The following COL4A3 variants were observed in gnomAD, a reference collection of about 807,000 sequenced individuals.
COL4A3 encodes the protein collagen type IV alpha 3 chain.
COL4A3 carries 135 observed loss-of-function variants against 217.4 expected under a neutral mutation model. That is an observed-to-expected ratio of 0.62 (90% CI 0.54 to 0.72). The LOEUF (loss-of-function observed/expected upper bound fraction) is 0.72, where lower values mean the gene tolerates loss of function less well. Among genes scored for constraint, COL4A3 ranks in the 30% least tolerant of loss-of-function variants. COL4A3 has a pLI of 0.00. For missense variants in COL4A3, 1,868 were observed against 2,119.9 expected (o/e 0.88, Z 2.33); for synonymous variants, 690 against 736.3 (o/e 0.94, Z 1.02).
intron 36 of COL4A3, among the ~76,000 whole-genome samples, chr2:227,290,446 G>A (rs1204263497): frequency 6.6e-6 from 1 of 152,134 alleles, no homozygotes; most frequent in Non-Finnish European, 1.5e-5. Flanking sequence ...GTTGCAGTGA[G>A]CTGAGGTCAC....
Position 227,266,980 on chromosome 2 carries a change from G to A in COL4A3, c.1409-13G>A. On this transcript the variant is annotated splice_polypyrimidine_tract_variant and intron_variant, in intron 22 of 51. Coordinates refer to ENST00000396578, the MANE Select transcript of COL4A3 (RefSeq NM_000091.5). ...GTAGCTTTTTAAGTAATGCTAGTAT[G>A]CTCTCATTGCAGGAGAACCAGGCCT... The A allele has an allele frequency of 6.3e-7, 1 of 1,580,850 alleles. No homozygotes were observed.
At chr2:227,203,186 TGTATATATAC>T (rs1478755217) in intron 1 of COL4A3, among the ~76,000 whole-genome samples, 2 of 27,334 alleles carry the variant, frequency 7.3e-5, no homozygotes, top group Non-Finnish European at 1.2e-4. Flanking sequence ...TGTATATGTG[TGTATATATAC>T]ATATATGTGT....
At chr2:227,298,877 T>G in intron 43 of COL4A3, 65 bp downstream of exon 43, 2 of 1,389,478 alleles carry the variant, frequency 1.4e-6, no homozygotes, top group Non-Finnish European at 2.0e-6. Flanking sequence ...ATTCTTATAT[T>G]GTATATTATA....
At chr2:227,248,112 G>GTAT (rs1407041269) in intron 8 of COL4A3, among the ~76,000 whole-genome samples, 1 of 152,052 alleles carries the variant, frequency 6.6e-6, no homozygotes, top group Non-Finnish European at 1.5e-5. Context: ...GCTAATTCTT[G>GTAT]TATTTTTAGT....
intron 1 of COL4A3, among the ~76,000 whole-genome samples, chr2:227,214,928 A>G (rs1013138364): frequency 1.3e-5 from 2 of 151,976 alleles, no homozygotes; most frequent in African/African-American, 4.8e-5. Context: ...CTACTTACCA[A>G]CTCCACAAAA....
intron 3 of COL4A3, 138 bp from the exon 4 acceptor site, chr2:227,244,182 A>G (rs1459871196): frequency 1.4e-6 from 1 of 727,716 alleles, no homozygotes; most frequent in African/African-American, 1.8e-5. Context: ...TAAGCAAGCA[A>G]TTGAATCTTA....
At chr2:227,257,053 T>G (rs1325966152) in intron 17 of COL4A3, among the ~76,000 whole-genome samples, 1 of 152,206 alleles carries the variant, frequency 6.6e-6, no homozygotes, top group Non-Finnish European at 1.5e-5. Flanking sequence ...ATAGAAAATA[T>G]GTAGTAAAAA....
chr2:227,284,389 T>C, intron 34 of COL4A3, 44 bp downstream of exon 34: 1 of 1,591,510 alleles, frequency 6.3e-7, no homozygotes, highest in Middle Eastern at 1.7e-4. Flanking sequence ...GAGCTGATTC[T>C]CAGGCTAATA....
intron 1 of COL4A3, among the ~76,000 whole-genome samples, chr2:227,219,370 C>T (rs1333096290): frequency 1.3e-5 from 2 of 152,182 alleles, no homozygotes; most frequent in Non-Finnish European, 2.9e-5. Flanking sequence ...CCTGCACTCA[C>T]CCTTCTCTTA....
intron 1 of COL4A3, among the ~76,000 whole-genome samples, chr2:227,218,083 T>TA (rs1162339442): frequency 2.2e-5 from 2 of 90,016 alleles, no homozygotes; most frequent in African/African-American, 8.2e-5. Context: ...TATATAGCTA[T>TA]ATATATATAT....
chr2:227,235,768 A>G (rs1464021602), intron 1 of COL4A3, among the ~76,000 whole-genome samples: 1 of 95,244 alleles, frequency 1.0e-5, no homozygotes, highest in African/African-American at 4.2e-5. Context: ...CCATTATTTC[A>G]TTCCTTTTTT....
At chr2:227,244,891 G>T in intron 4 of COL4A3, 60 bp from the exon 5 acceptor site, 1 of 1,490,122 alleles carries the variant, frequency 6.7e-7, no homozygotes, top group Non-Finnish European at 9.3e-7. Context: ...TATGTTTATA[G>T]ATTGAACATT....
chr2:227,207,989 A>T (rs1266747393), intron 1 of COL4A3, among the ~76,000 whole-genome samples: 1 of 152,178 alleles, frequency 6.6e-6, no homozygotes, highest in African/African-American at 2.4e-5. Context: ...CTCTTAGAAA[A>T]ATTGGAGTAT....
At chr2:227,301,424 A>C (rs777998819) in intron 43 of COL4A3, among the ~76,000 whole-genome samples, 4 of 152,214 alleles carry the variant, frequency 2.6e-5, no homozygotes, top group Non-Finnish European at 5.9e-5. Flanking sequence ...GCTCATTGTT[A>C]GGAATCGCTC....
At chr2:227,183,857 A>T (rs1241514436) in intron 1 of COL4A3, among the ~76,000 whole-genome samples, 1 of 152,194 alleles carries the variant, frequency 6.6e-6, no homozygotes, top group African/African-American at 2.4e-5. Context: ...TAAATCTTCA[A>T]CTGAGAGTGC....
At chr2:227,290,234 A>C in intron 36 of COL4A3, 146 bp downstream of exon 36, 1 of 752,870 alleles carries the variant, frequency 1.3e-6, no homozygotes, top group Non-Finnish European at 2.3e-6. Context: ...ACGGTGGCTC[A>C]TGCCTGTAAT....
In COL4A3 at chr2:227,203,341, G is replaced by A. The variant is rs1367905595; in HGVS notation, c.88-34627G>A. The stretch of plus-strand genomic sequence containing the variant: ...CATATATGTGTATACATACATATAT[G>A]TGTATATATGTGTATATATACATAT... On this transcript the variant is annotated intron_variant, in intron 1 of 51. Coordinates refer to ENST00000396578, the MANE Select transcript of COL4A3 (RefSeq NM_000091.5). Among the ~76,000 whole-genome samples, 4 of 56,070 alleles carry A rather than the reference G, an allele frequency of 7.1e-5. 1 individual carries two copies. The highest frequency in any genetic ancestry group is 3.9e-4 in the East Asian group (1 of 2,550). The allele number at this position is 56,070 out of a possible 152,430, so 36.8% of individuals were successfully genotyped here.
chr2:227,215,610 C>T lies in COL4A3; in HGVS notation c.88-22358C>T, dbSNP rs985315580. Among the ~76,000 whole-genome samples the T allele has an allele frequency of 5.3e-5, 8 of 152,248 alleles. 1 individual carries two copies. The highest frequency in any genetic ancestry group is 1.9e-4 in the African/African-American group (8 of 41,536). On this transcript the variant is annotated intron_variant, in intron 1 of 51. Transcript: ENST00000396578. Reference sequence around the variant, plus strand: ...AGTAGCTGGGATTACAGGTGCCCACCACCATGCCAAACTAATTTTTGCATT... The same window carrying T: ...AGTAGCTGGGATTACAGGTGCCCACTACCATGCCAAACTAATTTTTGCATT...
chr2:227,284,104 CT>C (rs1422207142), intron 33 of COL4A3, 106 bp from the exon 34 acceptor site: 3 of 1,478,896 alleles, frequency 2.0e-6, no homozygotes, highest in South Asian at 1.2e-5. Flanking sequence ...CACTGTTAGC[CT>C]TTTTTGTTTG....
Sources: gnomAD v4.1 joint callset for allele counts (sites outside exome capture counted in the v4.1 genomes callset) on GRCh38, gnomAD v4.1.1 for gene constraint, MANE v1.5 for transcripts, NCBI Gene and HGNC (gene_info 2026-07-23, HGNC 2026-07-21) for gene names.